FHIP2B: variants seen among roughly 807,000 people sequenced by gnomAD.
The protein encoded by FHIP2B is FHF complex subunit HOOK interacting protein 2B, also known as FHF complex subunit HOOK-interacting protein 2B.
Under a neutral mutation model 84.0 loss-of-function variants are expected in FHIP2B, and 72 were observed. The observed-to-expected ratio is 0.86, with a 90% CI of 0.71 to 1.04. The LOEUF is 1.04. FHIP2B is among the 50% of genes least tolerant of loss of function. FHIP2B has a pLI of 0.00. For missense variants in FHIP2B, 972 were observed against 968.9 expected, an observed-to-expected ratio of 1.00 and a Z score of -0.04; for synonymous variants, 497 against 418.7, an observed-to-expected ratio of 1.19 and a Z score of -2.28.
At chr8:22,101,346 C>T in intron 12 of FHIP2B, 94 bp from the exon 13 acceptor site, 3 of 924,474 alleles carry the variant, frequency 3.2e-6, no homozygotes, top group South Asian at 1.5e-5. Context: ...TTGGCCACAG[C>T]CCTGGGGTCC....
rs1242987506 is a variant in FHIP2B at position 22,102,097 on chromosome 8, C to A, written c.1852-78C>A. On this transcript the variant is annotated intron_variant, in intron 14 of 16. Coordinates refer to ENST00000289921, the MANE Select transcript of FHIP2B (RefSeq NM_022749.7). ...CCACCCCCACACACGTTCACAGTGG[C>A]CAGGCACCTTGCTGGGGGAGTGCAA... 8 of 1,608,530 alleles carry A rather than the reference C, an allele frequency of 5.0e-6. No individual in the cohort carries two copies. In the East Asian group the frequency reaches 1.8e-4, roughly 36 times the overall value.
chr8:22,093,722 T>TTTTTTTTC (rs1825618779), intron 1 of FHIP2B, among the ~76,000 whole-genome samples: 1 of 126,814 alleles, frequency 7.9e-6, no homozygotes, highest in East Asian at 2.2e-4. Flanking sequence ...TTTTTTTTTT[T>TTTTTTTTC]TTTTTTTTTT....
rs768705822 is a variant in FHIP2B at position 22,101,771 on chromosome 8, C to A, written c.1771C>A (p.Pro591Thr). ...GCCTCTGACCCCCACACCTTTGGAC[C>A]CCCATGAGCCCGAGCGACCTTTCTT... ...GWPLTPTPLD[P>T]HEPERPFFEG... is the part of the protein sequence containing the mutation. The change falls in exon 14 of 17, where the codon CCC becomes ACC. Residue 591 changes from proline (P) to threonine (T), a missense_variant. Transcript: ENST00000289921. The A allele has an allele frequency of 1.2e-6, 2 of 1,613,436 alleles. No individual in the cohort carries two copies. The highest frequency in any genetic ancestry group is 1.3e-5 in the African/African-American group (1 of 75,040).
intron 3 of FHIP2B, among the ~76,000 whole-genome samples, 177 bp from the exon 4 acceptor site, chr8:22,097,339 C>T (rs553088870): frequency 5.3e-5 from 8 of 151,518 alleles, no homozygotes; most frequent in Non-Finnish European, 8.8e-5. Context: ...CCCAGGCATG[C>T]GGCAGGCAGG....
At chr8:22,101,387 A>T in intron 12 of FHIP2B, 53 bp from the exon 13 acceptor site, 1 of 1,422,294 alleles carries the variant, frequency 7.0e-7, no homozygotes, top group East Asian at 2.5e-5. Flanking sequence ...TCCCACAAGC[A>T]GGGGAGAGCA....
In FHIP2B at chr8:22,101,461, G is replaced by A. The variant is rs572832677; in HGVS notation, c.1638G>A (p.Glu546=). ...IVNSFLCLVP[E]EAKTSAFLEE... is the part of the protein sequence containing the mutation. ...TCAGTTTCCTGTGCCTGGTCCCCGA[G>A]GAAGCCAAGACCTCTGCCTTCCTGG... Residue 546 remains glutamate (E), a synonymous_variant, in exon 13 of 17, where the codon GAG becomes GAA. Transcript: ENST00000289921. The A allele has an allele frequency of 7.4e-6, 12 of 1,611,478 alleles. 1 individual carries two copies. In the South Asian group the frequency reaches 1.2e-4, roughly 16 times the overall value.
rs1467606246 is a variant in FHIP2B, at chr8:22,098,554, G to T, written c.900G>T (p.Leu300Phe). Residue 300 changes from leucine to phenylalanine, a missense_variant, in exon 7 of 17, where the codon TTG (leucine) becomes TTT (phenylalanine). Leu to Phe is a conservative substitution (Grantham distance 22). Transcript: ENST00000289921. ...CPAIVRHLCQ[L>F]YRSMPVFLDP... ...CGATCGTCCGGCACCTTTGCCAGTT[G>T]TACCGGTCCATGCCTGTCTTCCTGG... 1.2e-6 allele frequency: 2 copies of T among 1,611,298 alleles called. No homozygotes were observed. The highest frequency in any genetic ancestry group is 1.7e-6 in the Non-Finnish European group (2 of 1,178,934).
intron 9 of FHIP2B, 145 bp from the exon 10 acceptor site, chr8:22,099,559 C>T (rs1315118717): frequency 1.8e-6 from 2 of 1,120,080 alleles, no homozygotes; most frequent in South Asian, 1.6e-5. Flanking sequence ...GCCTCCTACC[C>T]TTCCCTGCAG....
At chr8:22,094,543 A>G (rs1218473513) in intron 2 of FHIP2B, 25 bp downstream of exon 2, 3 of 1,609,286 alleles carry the variant, frequency 1.9e-6, no homozygotes, top group Middle Eastern at 3.3e-4. Context: ...TCCCCAGCCC[A>G]GGGACCCTGG....
At chr8:22,097,883 C>G in intron 5 of FHIP2B, 44 bp downstream of exon 5, 2 of 1,598,766 alleles carry the variant, frequency 1.3e-6, no homozygotes, top group Non-Finnish European at 1.7e-6. Context: ...GCCCAGAACC[C>G]CAGGGCAAGC....
At chr8:22,102,060 C>T in intron 14 of FHIP2B, 115 bp from the exon 15 acceptor site, 2 of 1,574,570 alleles carry the variant, frequency 1.3e-6, no homozygotes, top group Admixed American at 1.8e-5. Context: ...ACACACACAT[C>T]ACGTGAGCCT....
chr8:22,100,381 C>T (rs1314906018), intron 10 of FHIP2B: 2 of 466,318 alleles, frequency 4.3e-6, no homozygotes. Context: ...CCTGAAATTG[C>T]ACATCAAATT....
chr8:22,103,277 T>A lies in FHIP2B; in HGVS notation c.*346T>A, dbSNP rs1826226106. The A allele has an allele frequency of 4.1e-6, 1 of 241,190 alleles. No individual in the cohort carries two copies. The highest frequency in any genetic ancestry group is 5.1e-5 in the Admixed American group (1 of 19,556). The allele number at this position is 241,190 out of a possible 1,614,324, so 14.9% of individuals were successfully genotyped here. A position where few individuals can be genotyped will look rare whatever the true frequency, so the allele number is the denominator to read the frequency against. ...GCCAGGGCCAAGCCTGTGACTCAAC[T>A]CCAGGGGCAAGATGGGGAGTGAGCT... On this transcript the variant is annotated 3_prime_UTR_variant, in exon 17 of 17. Coordinates refer to ENST00000289921, the MANE Select transcript of FHIP2B (RefSeq NM_022749.7).
In FHIP2B at chr8:22,099,029, C is replaced by T. The variant is rs532197468; in HGVS notation, c.1047C>T (p.Cys349=). 21 of 1,605,068 alleles carry T rather than the reference C, an allele frequency of 1.3e-5. No individual in the cohort carries two copies. The highest frequency in any genetic ancestry group is 8.5e-5 in the Admixed American group (5 of 59,122). The change falls in exon 8 of 17, where the codon TGC becomes TGT. Residue 349 remains cysteine, a synonymous_variant. Coordinates refer to ENST00000289921, the MANE Select transcript of FHIP2B (RefSeq NM_022749.7). ...CCTTCTTGGGCTGGTTTGATTACTG[C>T]GACCACCTCATCACAGAGGCACACA... is the stretch of plus-strand genomic sequence containing the variant. The part of the protein sequence containing the change: ...LAAFLGWFDY[C]DHLITEAHTV...
chr8:22,097,904 C>A, intron 5 of FHIP2B, 65 bp downstream of exon 5: 1 of 1,587,096 alleles, frequency 6.3e-7, no homozygotes. Flanking sequence ...CCCCTCTGCC[C>A]TCCTGAGGAG....
intron 7 of FHIP2B, 138 bp downstream of exon 7, chr8:22,098,757 TC>T: frequency 9.6e-7 from 1 of 1,043,584 alleles, no homozygotes. Context: ...CTGCAGCTGA[TC>T]CCCAGGGGAC....
At chr8:22,099,594 A>G in intron 9 of FHIP2B, 110 bp from the exon 10 acceptor site, 2 of 1,321,228 alleles carry the variant, frequency 1.5e-6, no homozygotes. Context: ...TGGGCAAGTG[A>G]CCACAGACAT....
At chr8:22,091,946 AAC>A (rs898541049) in intron 1 of FHIP2B, among the ~76,000 whole-genome samples, 3 of 152,242 alleles carry the variant, frequency 2.0e-5, no homozygotes, top group Non-Finnish European at 2.9e-5. Context: ...CTAGCTGTAA[AAC>A]ACAGAACCCT....
At position 22,089,173 on chromosome 8, in the gene FHIP2B, G is replaced by A. The variant is rs1024819855; in HGVS notation, c.-81G>A. 4.3e-6 allele frequency: 4 copies of A among 925,052 alleles called. No homozygotes were observed. The highest frequency in any genetic ancestry group is 5.3e-6 in the Non-Finnish European group (4 of 761,016). The allele number at this position is 925,052 out of a possible 1,614,324, so 57.3% of individuals were successfully genotyped here. ...CCGCCCCCCTCGTCGCGCCGGGGCC[G>A]CCGGGGCCACGGGGCTGCCTCCTCC... On this transcript the variant is annotated 5_prime_UTR_variant, in exon 1 of 17. Coordinates refer to ENST00000289921, the MANE Select transcript of FHIP2B (RefSeq NM_022749.7).
Sources: gnomAD v4.1 joint callset for allele counts (sites outside exome capture counted in the v4.1 genomes callset) on GRCh38, gnomAD v4.1.1 for gene constraint, MANE v1.5 for transcripts, NCBI Gene and HGNC (gene_info 2026-07-23, HGNC 2026-07-21) for gene names.